SQSTM1: variants seen among roughly 807,000 people sequenced by gnomAD.
SQSTM1 encodes sequestosome-1.
A neutral mutation model predicts 45.1 loss-of-function variants in SQSTM1; 36 were observed. The observed-to-expected ratio is 0.80, with a 90% CI of 0.61 to 1.05. The LOEUF (loss-of-function observed/expected upper bound fraction) is 1.05. Among genes scored for constraint, SQSTM1 ranks in the 50% least tolerant of loss-of-function variants. The pLI is 0.00. For missense variants in SQSTM1, 617 were observed against 607.1 expected (o/e 1.02, Z -0.17); for synonymous variants, 290 against 244.3 (o/e 1.19, Z -1.74).
chr5:179,830,793 T>G (rs113854720), intron 5 of SQSTM1, among the ~76,000 whole-genome samples: 3 of 152,008 alleles, frequency 2.0e-5, no homozygotes, highest in African/African-American at 7.3e-5. Flanking sequence ...CCTGACCTCA[T>G]GATCTACCTG....
chr5:179,834,160 G>T (rs977224227), intron 7 of SQSTM1, among the ~76,000 whole-genome samples: 1 of 146,176 alleles, frequency 6.8e-6, no homozygotes, highest in Non-Finnish European at 1.5e-5. Context: ...TCTGAGAGGG[G>T]GGGGGGTCAT....
Position 179,825,233 on chromosome 5 carries a change from G to A in SQSTM1, c.754+7G>A. On this transcript the variant is annotated splice_region_variant and intron_variant, in intron 5 of 7. Transcript: ENST00000389805. ...GCTGCCCTTAGCCCTCTGGGTGAGT[G>A]CACCTCCTTGCCCAGTGCTTCCCTA... is the stretch of plus-strand genomic sequence containing the variant. 1 of 1,611,558 alleles carries A rather than the reference G, an allele frequency of 6.2e-7. No individual in the cohort carries two copies.
intron 7 of SQSTM1, among the ~76,000 whole-genome samples, chr5:179,834,770 C>T (rs554456856): frequency 7.9e-5 from 12 of 152,342 alleles, no homozygotes; most frequent in African/African-American, 2.4e-4. Flanking sequence ...TTTCTTAGTA[C>T]AGAACAAAAT....
At chr5:179,829,224 G>A (rs1422919924) in intron 5 of SQSTM1, among the ~76,000 whole-genome samples, 3 of 152,320 alleles carry the variant, frequency 2.0e-5, no homozygotes, top group Middle Eastern at 3.4e-3. Flanking sequence ...TGGGCATCCC[G>A]AATGAGCAAT....
At chr5:179,809,864 G>A (rs1167574748) in intron 1 of SQSTM1, among the ~76,000 whole-genome samples, 2 of 147,132 alleles carry the variant, frequency 1.4e-5, no homozygotes, top group Non-Finnish European at 3.0e-5. Flanking sequence ...GGCTGGTTTC[G>A]AACTCCTGAC....
At chr5:179,817,969 C>T (rs1430853524), upstream of SQSTM1, among the ~76,000 whole-genome samples, 5 of 127,344 alleles carry the variant, frequency 3.9e-5, no homozygotes, top group East Asian at 2.5e-4. Context: ...GAGCTGAGAT[C>T]GTGCCACTGC....
At chr5:179,813,723 T>G (rs183622327) in intron 2 of SQSTM1, 2 of 151,686 alleles carry the variant, frequency 1.3e-5, no homozygotes, top group Non-Finnish European at 2.9e-5. Context: ...CCACTGCACT[T>G]CAGCCTGGGC....
At chr5:179,826,866 C>T (rs1201102009) in intron 5 of SQSTM1, among the ~76,000 whole-genome samples, 1 of 152,076 alleles carries the variant, frequency 6.6e-6, no homozygotes, top group African/African-American at 2.4e-5. Context: ...CAGGTGTGAG[C>T]CACCGAGCCC....
chr5:179,837,795 C>T lies in SQSTM1; in HGVS notation c.*1202C>T, dbSNP rs1483703474. The T allele has an allele frequency of 1.9e-6, 3 of 1,614,040 alleles. No individual in the cohort carries two copies. Among genetic ancestry groups the T allele is most frequent in the Non-Finnish European group, 2.5e-6 (3 of 1,180,034 alleles). On this transcript the variant is annotated 3_prime_UTR_variant, in exon 8 of 8. Coordinates refer to ENST00000389805, the MANE Select transcript of SQSTM1 (RefSeq NM_003900.5). ...GGACTCCATAGCTCCTTCCCAGGAC[C>T]CCTCAGCTCCCCGGCACTGCAGTCT...
chr5:179,824,364 AGTC>A, intron 4 of SQSTM1, 41 bp downstream of exon 4: 2 of 1,613,118 alleles, frequency 1.2e-6, no homozygotes, highest in Non-Finnish European at 1.7e-6. Flanking sequence ...TGGTGACAGT[AGTC>A]AGGCAGCCTG....
Position 179,837,935 on chromosome 5 carries a change from C to A in SQSTM1, c.*1342C>A. The A allele has an allele frequency of 6.5e-7, 1 of 1,549,388 alleles. No homozygotes were observed. The highest frequency in any genetic ancestry group is 1.8e-5 in the Admixed American group (1 of 57,072). On this transcript the variant is annotated 3_prime_UTR_variant, in exon 8 of 8. Coordinates refer to ENST00000389805, the MANE Select transcript of SQSTM1 (RefSeq NM_003900.5). The stretch of plus-strand genomic sequence containing the variant: ...TCCATGTGTAAGAACAATGCCAGGG[C>A]CCAGGAGGACCGCCTGCCCTGCCTG...
intron 5 of SQSTM1, among the ~76,000 whole-genome samples, chr5:179,830,635 T>C (rs991449714): frequency 1.3e-5 from 2 of 151,966 alleles, no homozygotes; most frequent in Non-Finnish European, 2.9e-5. Flanking sequence ...CTCAGCTCAC[T>C]GCAGTTTCCA....
At position 179,821,159 on chromosome 5, in the gene SQSTM1, C is replaced by G. The variant is rs1757759662; in HGVS notation, c.205+18C>G. The G allele has an allele frequency of 2.3e-6, 3 of 1,325,988 alleles. No individual in the cohort carries two copies. Among genetic ancestry groups the G allele is most frequent in the African/African-American group, 1.6e-5 (1 of 64,468 alleles). The allele number at this position is 1,325,988 out of a possible 1,614,324, so 82.1% of individuals were successfully genotyped here. On this transcript the variant is annotated intron_variant, in intron 1 of 7. Coordinates refer to ENST00000389805, the MANE Select transcript of SQSTM1 (RefSeq NM_003900.5). ...CTACCGCGGTGAGCGGGCCGGGGAG[C>G]GGCGGGGGCGGTGACGCAGGCCGGA... is the stretch of plus-strand genomic sequence containing the variant.
rs1757772912 is a variant in SQSTM1 at position 179,821,390 on chromosome 5, G to C, written c.205+249G>C. The stretch of plus-strand genomic sequence containing the variant: ...CGGCCCCCTGGGGCGGTGGAGCCCT[G>C]CCGGCCGGGGGCTCGAGCCTGGGGG... On this transcript the variant is annotated intron_variant, in intron 1 of 7. Transcript: ENST00000389805. Among the ~76,000 whole-genome samples the C allele has an allele frequency of 1.3e-5, 2 of 152,196 alleles. 1 individual carries two copies. The highest frequency in any genetic ancestry group is 4.1e-4 in the South Asian group (2 of 4,834).
At chr5:179,833,955 T>C (rs1380058258) in intron 7 of SQSTM1, among the ~76,000 whole-genome samples, 173 bp downstream of exon 7, 2 of 152,140 alleles carry the variant, frequency 1.3e-5, no homozygotes, top group African/African-American at 2.4e-5. Context: ...CCCTGAGCAA[T>C]AGCGAGTAAG....
upstream of SQSTM1, chr5:179,819,982 C>T (rs1345975656): frequency 4.6e-5 from 7 of 152,484 alleles, no homozygotes; most frequent in Non-Finnish European, 7.3e-5. Context: ...TTCTGACCTC[C>T]TACTCACAGG....
rs933958704 is a variant in SQSTM1 at position 179,836,225 on chromosome 5, T to G, written c.1166-211T>G. On this transcript the variant is annotated intron_variant, in intron 7 of 7. Transcript: ENST00000389805. Reference sequence around the variant, plus strand: ...GCTTACACACCACCTGGCTGCCTGGTGTCGCAGTGGCAGAGTTGAGCAGTG... The same window carrying G: ...GCTTACACACCACCTGGCTGCCTGGGGTCGCAGTGGCAGAGTTGAGCAGTG... The G allele has an allele frequency of 2.5e-5, 16 of 636,750 alleles. No individual in the cohort carries two copies. In the African/African-American group the frequency reaches 2.9e-4, roughly 12 times the overall value. The allele number at this position is 636,750 out of a possible 1,614,324, so 39.4% of individuals were successfully genotyped here. A position where few individuals can be genotyped will look rare whatever the true frequency, so the allele number is the denominator to read the frequency against.
At chr5:179,822,355 T>C (rs1582005336) in intron 1 of SQSTM1, 1 of 172,086 alleles carries the variant, frequency 5.8e-6, no homozygotes, top group Non-Finnish European at 1.3e-5. Flanking sequence ...TGTTTGCATC[T>C]TTGGGTGCCT....
At chr5:179,822,186 A>T (rs1338832185) in intron 1 of SQSTM1, among the ~76,000 whole-genome samples, 6 of 152,260 alleles carry the variant, frequency 3.9e-5, no homozygotes, top group Admixed American at 1.3e-4. Context: ...TGTAAATAGA[A>T]TCAGACAATG....
Sources: gnomAD v4.1 joint callset for allele counts (sites outside exome capture counted in the v4.1 genomes callset) on GRCh38, gnomAD v4.1.1 for gene constraint, MANE v1.5 for transcripts, NCBI Gene and HGNC (gene_info 2026-07-23, HGNC 2026-07-21) for gene names.